TMEM132D: variants seen among roughly 807,000 people sequenced by gnomAD.
TMEM132D encodes transmembrane protein 132D.
In TMEM132D, 21 loss-of-function variants were observed where a neutral mutation model predicts 62.3. The ratio of observed to expected loss-of-function variants is 0.34; its 90% CI spans 0.24 to 0.49. The LOEUF is 0.49. Ranked by LOEUF, TMEM132D falls within the 20% of genes least tolerant of loss-of-function variation. TMEM132D has a pLI of 0.99. For synonymous variants in TMEM132D, 621 were observed against 575.6 expected (o/e 1.08, Z -1.13); for missense variants, 1,346 against 1,402.8 (o/e 0.96, Z 0.65).
intron 5 of TMEM132D, among the ~76,000 whole-genome samples, chr12:129,202,265 G>T (rs950724726): frequency 6.6e-6 from 1 of 152,210 alleles, no homozygotes; most frequent in South Asian, 2.1e-4. Context: ...TGCACAGGTG[G>T]CTGTGACACA....
At chr12:129,417,604 G>A (rs1872164577) in intron 3 of TMEM132D, among the ~76,000 whole-genome samples, 1 of 152,088 alleles carries the variant, frequency 6.6e-6, no homozygotes, top group African/African-American at 2.4e-5. Flanking sequence ...AACCCTAGAA[G>A]AAAACCTAGG....
rs376482513 is a variant in TMEM132D at position 129,752,237 on chromosome 12, GCA to G, written c.80-51541_80-51540del. Among the ~76,000 whole-genome samples the G allele has an allele frequency of 6.4e-3, 972 of 151,648 alleles. 9 individuals carry two copies. Among genetic ancestry groups the G allele is most frequent in the African/African-American group, 0.021 (862 of 41,328 alleles). On this transcript the variant is annotated intron_variant, in intron 1 of 8. Coordinates refer to ENST00000422113, the MANE Select transcript of TMEM132D (RefSeq NM_133448.3). ...TGTTTACAATTTCACACACACATGC[GCA>G]CACACACACACCCCCCTCAATGCAT... is the stretch of plus-strand genomic sequence containing the variant.
At chr12:129,531,277 C>A (rs1023214854) in intron 2 of TMEM132D, 72 bp from the exon 3 acceptor site, 2 of 1,494,364 alleles carry the variant, frequency 1.3e-6, no homozygotes, top group Admixed American at 2.0e-5. Flanking sequence ...TCTGGGAACA[C>A]GGGGAGCTTA....
At chr12:129,245,546 T>C (rs1880074459) in intron 4 of TMEM132D, among the ~76,000 whole-genome samples, 1 of 148,384 alleles carries the variant, frequency 6.7e-6, no homozygotes, top group African/African-American at 2.5e-5. Flanking sequence ...CTTTTTATTA[T>C]ATTAGAACTT....
intron 4 of TMEM132D, among the ~76,000 whole-genome samples, chr12:129,328,580 A>T (rs776870759): frequency 1.3e-5 from 2 of 152,228 alleles, no homozygotes; most frequent in Non-Finnish European, 2.9e-5. Flanking sequence ...AGGGAACATC[A>T]GAGGCAACAG....
At chr12:129,778,657 T>C (rs1399958725) in intron 1 of TMEM132D, among the ~76,000 whole-genome samples, 1 of 152,240 alleles carries the variant, frequency 6.6e-6, no homozygotes, top group East Asian at 1.9e-4. Flanking sequence ...ATGTTTGGAA[T>C]TGGTGACTGT....
intron 3 of TMEM132D, among the ~76,000 whole-genome samples, chr12:129,526,134 T>C (rs1876028772): frequency 6.6e-6 from 1 of 152,184 alleles, no homozygotes; most frequent in African/African-American, 2.4e-5. Context: ...TATATTGTAC[T>C]GCAAATTTCT....
intron 1 of TMEM132D, among the ~76,000 whole-genome samples, chr12:129,833,434 C>T (rs950160150): frequency 6.6e-6 from 1 of 151,910 alleles, no homozygotes; most frequent in East Asian, 1.9e-4. Flanking sequence ...AACCCCATCC[C>T]TACAAAAAAA....
chr12:129,104,113 G>A (rs1015121452), intron 5 of TMEM132D, among the ~76,000 whole-genome samples: 12 of 149,224 alleles, frequency 8.0e-5, no homozygotes, highest in African/African-American at 2.0e-4. Flanking sequence ...AACAAAGCTG[G>A]AGGCATCCCA....
At chr12:129,746,132 C>T (rs745913309) in intron 1 of TMEM132D, among the ~76,000 whole-genome samples, 1 of 152,138 alleles carries the variant, frequency 6.6e-6, no homozygotes, top group Non-Finnish European at 1.5e-5. Flanking sequence ...CTTACAAAAG[C>T]CTTGGTGAAA....
chr12:129,267,979 A>T (rs890655513), intron 4 of TMEM132D, among the ~76,000 whole-genome samples: 1 of 152,280 alleles, frequency 6.6e-6, no homozygotes, highest in African/African-American at 2.4e-5. Context: ...CTAGCTAGCC[A>T]TATGTAGAAA....
chr12:129,874,700 CTT>C (rs71085583), intron 1 of TMEM132D, among the ~76,000 whole-genome samples: 4 of 117,892 alleles, frequency 3.4e-5, no homozygotes, highest in South Asian at 2.8e-4. Flanking sequence ...TCACATTTTT[CTT>C]TTTTTTTTTT....
intron 1 of TMEM132D, among the ~76,000 whole-genome samples, chr12:129,784,580 T>TAA (rs1367321417): frequency 6.6e-6 from 1 of 152,250 alleles, no homozygotes. Flanking sequence ...AAAGCCTATA[T>TAA]AATTTCCATC....
Position 129,389,215 on chromosome 12 carries a change from C to T in TMEM132D, c.1116-51398G>A, listed in dbSNP as rs543969140. 1.2e-4 allele frequency among the ~76,000 whole-genome samples: 18 copies of T among 152,022 alleles called. No individual in the cohort carries two copies. In the South Asian group the frequency reaches 3.7e-3, roughly 32 times the overall value. On this transcript the variant is annotated intron_variant, in intron 3 of 8. Transcript: ENST00000422113. ...ACTATCACCAAGACTAATACATGAA[C>T]AGTAAAACCAGTACTAAGAACAACA...
chr12:129,146,050 G>T (rs1433739027), intron 5 of TMEM132D, among the ~76,000 whole-genome samples: 13 of 150,378 alleles, frequency 8.6e-5, no homozygotes, highest in African/African-American at 3.2e-4. Flanking sequence ...AAGCTAATTA[G>T]CATAACCATC....
chr12:129,187,752 G>C (rs972391888), intron 5 of TMEM132D, among the ~76,000 whole-genome samples: 2 of 152,134 alleles, frequency 1.3e-5, no homozygotes, highest in Admixed American at 6.5e-5. Flanking sequence ...TTCCAAATAG[G>C]ACAAAACGAA....
chr12:129,405,623 A>G (rs974042567), intron 3 of TMEM132D, among the ~76,000 whole-genome samples: 3 of 152,072 alleles, frequency 2.0e-5, no homozygotes, highest in African/African-American at 2.4e-5. Flanking sequence ...TGAATAGCAG[A>G]CTTGGGGTAT....
intron 1 of TMEM132D, among the ~76,000 whole-genome samples, chr12:129,863,136 C>T (rs1032405557): frequency 2.0e-5 from 3 of 152,144 alleles, no homozygotes; most frequent in African/African-American, 7.2e-5. Flanking sequence ...ACATTAAAGT[C>T]ACTATAATTT....
intron 3 of TMEM132D, among the ~76,000 whole-genome samples, chr12:129,407,076 A>C (rs1371645243): frequency 6.6e-6 from 1 of 152,248 alleles, no homozygotes; most frequent in Non-Finnish European, 1.5e-5. Context: ...CCAACATTTC[A>C]AAGTCAAAAA....
Sources: allele counts gnomAD v4.1 joint callset (sites outside exome capture counted in the v4.1 genomes callset), GRCh38; gene constraint gnomAD v4.1.1; transcripts MANE v1.5; gene names NCBI Gene and HGNC (gene_info 2026-07-23, HGNC 2026-07-21).